SAMD3: variants seen among roughly 807,000 people sequenced by gnomAD.
SAMD3 encodes sterile alpha motif domain-containing protein 3.
Under a neutral mutation model 58.5 loss-of-function variants are expected in SAMD3, and 63 were observed. The ratio of observed to expected loss-of-function variants is 1.08; its 90% CI spans 0.88 to 1.33. The LOEUF is 1.33. SAMD3 is among the 40% of genes most tolerant of loss of function. The pLI is 0.00. For missense variants in SAMD3, 604 were observed against 608.4 expected, an observed-to-expected ratio of 0.99 and a Z score of 0.08; for synonymous variants, 220 against 210.3, an observed-to-expected ratio of 1.05 and a Z score of -0.40.
intron 2 of SAMD3, among the ~76,000 whole-genome samples, chr6:130,289,394 T>G (rs1775284241): frequency 6.6e-6 from 1 of 152,204 alleles, no homozygotes; most frequent in Non-Finnish European, 1.5e-5. Flanking sequence ...GAGGCAGACT[T>G]TTTCCACAAC....
intron 1 of SAMD3, among the ~76,000 whole-genome samples, chr6:130,343,209 T>C (rs1231354529): frequency 6.6e-6 from 1 of 152,004 alleles, no homozygotes; most frequent in East Asian, 1.9e-4. Context: ...CACTGAAAGC[T>C]CGGACATTCT....
intron 2 of SAMD3, chr6:130,215,942 C>T (rs1795982973): frequency 2.0e-6 from 2 of 1,009,878 alleles, no homozygotes; most frequent in Admixed American, 4.5e-5. Flanking sequence ...CTTACATACC[C>T]CTCTGAGTTC....
At chr6:130,364,651 T>C (rs1778080864) in intron 1 of SAMD3, among the ~76,000 whole-genome samples, 1 of 151,976 alleles carries the variant, frequency 6.6e-6, no homozygotes, top group Admixed American at 6.6e-5. Context: ...ACAGATGGTT[T>C]ATAAAGGTGA....
chr6:130,259,790 A>G (rs747924783), intron 2 of SAMD3, among the ~76,000 whole-genome samples: 2 of 152,194 alleles, frequency 1.3e-5, no homozygotes, highest in African/African-American at 2.4e-5. Flanking sequence ...TCCTTTACCC[A>G]GATTCCTCTA....
intron 5 of SAMD3, among the ~76,000 whole-genome samples, chr6:130,195,840 A>T (rs1794054315): frequency 6.6e-6 from 1 of 151,860 alleles, no homozygotes; most frequent in African/African-American, 2.4e-5. Context: ...AAACCCCAAC[A>T]CCTTCTACAT....
chr6:130,284,148 C>T (rs749007176), intron 2 of SAMD3, among the ~76,000 whole-genome samples: 9 of 152,134 alleles, frequency 5.9e-5, no homozygotes, highest in Non-Finnish European at 1.3e-4. Context: ...CCACCATGCC[C>T]GGCCTAAGAA....
intron 8 of SAMD3, among the ~76,000 whole-genome samples, chr6:130,174,027 C>G (rs575652571): frequency 7.1e-4 from 108 of 152,330 alleles, no homozygotes; most frequent in African/African-American, 2.5e-3. Flanking sequence ...AGCCCTCCCC[C>G]CACCAAGCTC....
At chr6:130,291,176 T>C (rs1157199867) in intron 2 of SAMD3, among the ~76,000 whole-genome samples, 1 of 152,176 alleles carries the variant, frequency 6.6e-6, no homozygotes, top group African/African-American at 2.4e-5. Flanking sequence ...CTGGAACCTC[T>C]GCTTCCTGAG....
intron 2 of SAMD3, among the ~76,000 whole-genome samples, chr6:130,310,225 T>C (rs1776100401): frequency 6.6e-6 from 1 of 152,214 alleles, no homozygotes; most frequent in Non-Finnish European, 1.5e-5. Flanking sequence ...CGTAATTGCT[T>C]CTGTATCTTT....
intron 5 of SAMD3, among the ~76,000 whole-genome samples, chr6:130,186,288 G>A (rs1466481243): frequency 6.6e-6 from 1 of 152,084 alleles, no homozygotes; most frequent in Non-Finnish European, 1.5e-5. Flanking sequence ...GAAAGACTAG[G>A]ATTCTTTTAG....
chr6:130,308,364 T>TATTCTATTCTATTCTATTC (rs1775987976), intron 2 of SAMD3, among the ~76,000 whole-genome samples: 5 of 51,796 alleles, frequency 9.7e-5, no homozygotes, highest in African/African-American at 3.0e-4. Flanking sequence ...TATTCTATTC[T>TATTCTATTCTATTCTATTC]ATTCTATTCT....
chr6:130,315,513 A>G (rs948426277), intron 1 of SAMD3, among the ~76,000 whole-genome samples: 1 of 152,166 alleles, frequency 6.6e-6, no homozygotes, highest in African/African-American at 2.4e-5. Context: ...ATGAGGATTT[A>G]TGGAGTTAAT....
At chr6:130,333,756 C>T (rs377450253) in intron 1 of SAMD3, among the ~76,000 whole-genome samples, 1 of 152,166 alleles carries the variant, frequency 6.6e-6, no homozygotes, top group Non-Finnish European at 1.5e-5. Flanking sequence ...TGTTTTGGTG[C>T]TGACAGATGG....
At chr6:130,365,651 G>C (rs1778116992), upstream of SAMD3, 1 of 985,424 alleles carries the variant, frequency 1.0e-6, no homozygotes, top group African/African-American at 1.7e-5. Flanking sequence ...GTAGCTAGAG[G>C]CGGGCCCCAC....
At chr6:130,193,249 C>A (rs1391895768) in intron 5 of SAMD3, among the ~76,000 whole-genome samples, 3 of 151,218 alleles carry the variant, frequency 2.0e-5, no homozygotes, top group Admixed American at 1.3e-4. Context: ...TTCTGGGGGG[C>A]AAGAAACCCC....
chr6:130,245,077 G>A (rs1025975987), intron 2 of SAMD3, among the ~76,000 whole-genome samples: 2 of 152,300 alleles, frequency 1.3e-5, no homozygotes, highest in African/African-American at 4.8e-5. Flanking sequence ...ATTTGAATTA[G>A]GAGTGTTCTG....
intron 5 of SAMD3, among the ~76,000 whole-genome samples, chr6:130,201,656 C>A (rs1342334141): frequency 2.0e-5 from 3 of 152,174 alleles, no homozygotes; most frequent in Non-Finnish European, 4.4e-5. Context: ...CCATTTACAG[C>A]AACTCCATCT....
At chr6:130,304,967 C>T (rs1005077323) in intron 2 of SAMD3, among the ~76,000 whole-genome samples, 7 of 119,940 alleles carry the variant, frequency 5.8e-5, no homozygotes, top group Admixed American at 4.0e-4. Context: ...CAGAGTCTCA[C>T]TCTGCTGCCC....
chr6:130,264,138 C>T (rs536481396), intron 2 of SAMD3, among the ~76,000 whole-genome samples: 8 of 152,300 alleles, frequency 5.3e-5, no homozygotes, highest in Admixed American at 4.6e-4. Flanking sequence ...AGATTGTCCC[C>T]CTCCCACTAA....
Sources: gnomAD v4.1 joint callset for allele counts (sites outside exome capture counted in the v4.1 genomes callset) on GRCh38, gnomAD v4.1.1 for gene constraint, MANE v1.5 for transcripts, NCBI Gene and HGNC (gene_info 2026-07-23, HGNC 2026-07-21) for gene names.